The following FLNB variants were observed in gnomAD, a reference collection of about 807,000 sequenced individuals.
FLNB encodes the protein filamin-B.
In FLNB, 111 loss-of-function variants were observed where a neutral mutation model predicts 250.6. The observed-to-expected ratio is 0.44, with a 90% confidence interval of 0.38 to 0.52. The LOEUF (loss-of-function observed/expected upper bound fraction) is 0.52. Among genes scored for constraint, FLNB ranks in the 20% least tolerant of loss-of-function variants. FLNB has a pLI of 0.00. For missense variants in FLNB, 2,869 were observed against 3,447.8 expected (o/e 0.83, Z 4.20); for synonymous variants, 1,302 against 1,372.1 (o/e 0.95, Z 1.13).
At chr3:58,053,469 T>G (rs887512071) in intron 1 of FLNB, among the ~76,000 whole-genome samples, 1 of 152,230 alleles carries the variant, frequency 6.6e-6, no homozygotes, top group Admixed American at 6.5e-5. Context: ...AACATTTATT[T>G]ATTTATTTAT....
chr3:58,051,077 C>A (rs2097161575), intron 1 of FLNB, among the ~76,000 whole-genome samples: 2 of 152,104 alleles, frequency 1.3e-5, no homozygotes, highest in Admixed American at 6.5e-5. Context: ...TCACTTGGGA[C>A]CCCCTGAGTC....
intron 1 of FLNB, among the ~76,000 whole-genome samples, chr3:58,027,877 G>A (rs1431399133): frequency 6.6e-6 from 1 of 152,180 alleles, no homozygotes; most frequent in African/African-American, 2.4e-5. Flanking sequence ...TAAATGGAAG[G>A]TAACCATAAA....
intron 10 of FLNB, among the ~76,000 whole-genome samples, chr3:58,104,644 C>T (rs755039348): frequency 2.0e-5 from 3 of 152,134 alleles, no homozygotes; most frequent in Non-Finnish European, 2.9e-5. Context: ...ATACCTACCA[C>T]GCTTTTTTTT....
chr3:58,137,584 A>T (rs538690348), intron 28 of FLNB, among the ~76,000 whole-genome samples: 2 of 152,232 alleles, frequency 1.3e-5, no homozygotes, highest in South Asian at 4.1e-4. Flanking sequence ...GCTCATATCT[A>T]CCAATGTGCT....
rs374751696 is a variant in FLNB at position 58,142,771 on chromosome 3, G to A, written c.5284+19G>A. ...ATCACTGGTAAGCACTTGCCATAAA[G>A]GCCGTCTCATTCTCACTTGCTCTCA... On this transcript the variant is annotated intron_variant, in intron 31 of 45. Transcript: ENST00000295956. The surrounding 1 kb of genome is among the most constrained non-coding windows in gnomAD (Gnocchi z 4.3). 6.2e-7 allele frequency: 1 copy of A among 1,601,876 alleles called. No homozygotes were observed. Among genetic ancestry groups the A allele is most frequent in the African/African-American group, 1.3e-5 (1 of 74,678 alleles).
In FLNB at chr3:58,114,470, C is replaced by T. The variant is rs60729810; in HGVS notation, c.2745+2152C>T. ...TGTTGAAGAACATTTGGGTTGCTTCCGTCTTTTGTCTGTTGTGAATAATGC... is the reference window on the plus strand; with the variant it reads ...TGTTGAAGAACATTTGGGTTGCTTCTGTCTTTTGTCTGTTGTGAATAATGC... On this transcript the variant is annotated intron_variant, in intron 18 of 45. Transcript: ENST00000295956. 2.6e-3 allele frequency among the ~76,000 whole-genome samples: 397 copies of T among 152,310 alleles called. 13 individuals are homozygous for T. The East Asian group carries it at 0.053, about 20-fold the overall frequency.
chr3:58,099,214 G>A (rs955044777), intron 8 of FLNB, among the ~76,000 whole-genome samples: 4 of 152,146 alleles, frequency 2.6e-5, no homozygotes, highest in African/African-American at 9.7e-5. Flanking sequence ...GGGAGGACTC[G>A]GTAGCATAAC....
At chr3:58,093,784 G>A (rs187723706) in intron 4 of FLNB, among the ~76,000 whole-genome samples, 5 of 152,080 alleles carry the variant, frequency 3.3e-5, no homozygotes, top group Non-Finnish European at 5.9e-5. Context: ...TAGCTACTCA[G>A]CAATAAAAAG....
chr3:58,081,905 C>T, intron 4 of FLNB, 129 bp downstream of exon 4: 1 of 975,744 alleles, frequency 1.0e-6, no homozygotes, highest in Non-Finnish European at 1.6e-6. Context: ...GACCCCAAGC[C>T]TCCTTTGTAA....
intron 1 of FLNB, among the ~76,000 whole-genome samples, chr3:58,042,294 A>G (rs915059854): frequency 6.8e-6 from 1 of 147,352 alleles, no homozygotes; most frequent in Non-Finnish European, 1.5e-5. Flanking sequence ...AGAGGATCTT[A>G]CTGGTTTTTG....
At position 58,076,698 on chromosome 3, in the gene FLNB, A is replaced by G. The variant is rs79654420; in HGVS notation, c.293-348A>G. 7.5e-3 allele frequency among the ~76,000 whole-genome samples: 1,139 copies of G among 151,684 alleles called. 7 individuals are homozygous for G. The highest frequency in any genetic ancestry group is 0.014 in the Middle Eastern group (4 of 294). On this transcript the variant is annotated intron_variant, in intron 1 of 45. Transcript: ENST00000295956. ...GGTCTTGAACTCCTAAGCTCAAAGC[A>G]ATCCTCCTGCCTCGGCCTCCCAAAA... is the stretch of plus-strand genomic sequence containing the variant.
Position 58,163,207 on chromosome 3 carries a change from G to A in FLNB, c.7075G>A (p.Val2359Ile). ...PHENGVHTID[V>I]KFNGSHVVGS... Reference sequence around the variant, plus strand: ...TGAGAATGGTGTCCACACCATCGATGTCAAGTTCAATGGGAGCCACGTGGT... The same window carrying A: ...TGAGAATGGTGTCCACACCATCGATATCAAGTTCAATGGGAGCCACGTGGT... Residue 2359 changes from valine to isoleucine, a missense_variant, in exon 43 of 46, where the codon GTC becomes ATC. Coordinates refer to ENST00000295956, the MANE Select transcript of FLNB (RefSeq NM_001457.4). 2 of 1,614,208 alleles carry A rather than the reference G, an allele frequency of 1.2e-6. No individual in the cohort carries two copies. Among genetic ancestry groups the A allele is most frequent in the Non-Finnish European group, 1.7e-6 (2 of 1,180,022 alleles).
At chr3:58,086,691 C>G (rs992636913) in intron 4 of FLNB, among the ~76,000 whole-genome samples, 1 of 152,158 alleles carries the variant, frequency 6.6e-6, no homozygotes, top group Non-Finnish European at 1.5e-5. Context: ...GACCTAGTGT[C>G]TTTAACAGAT....
chr3:58,032,407 G>T (rs906915267), intron 1 of FLNB, among the ~76,000 whole-genome samples: 1 of 152,134 alleles, frequency 6.6e-6, no homozygotes, highest in African/African-American at 2.4e-5. Context: ...AGAATGTAAG[G>T]CTTCCTCTGT....
chr3:58,153,230 C>G lies in FLNB; in HGVS notation c.6368-145C>G, dbSNP rs1045652040. On this transcript the variant is annotated intron_variant, in intron 38 of 45. Coordinates refer to ENST00000295956, the MANE Select transcript of FLNB (RefSeq NM_001457.4). ...TGCTGGCCACAGAAGGGCAGGCACC[C>G]AGCCTGAAGGGAAGGAAGCCTGGGC... is the stretch of plus-strand genomic sequence containing the variant. 3 of 950,828 alleles carry G rather than the reference C, an allele frequency of 3.2e-6. No individual in the cohort carries two copies. In the South Asian group the frequency reaches 4.3e-5, roughly 14 times the overall value. 58.9% of individuals were successfully genotyped at this position (950,828 alleles called of 1,614,324 possible).
chr3:58,140,890 C>A (rs2097325845), intron 29 of FLNB, among the ~76,000 whole-genome samples: 1 of 152,204 alleles, frequency 6.6e-6, no homozygotes, highest in Admixed American at 6.5e-5. Context: ...CCGGCATGAG[C>A]CACTGCGCCC....
Position 58,138,541 on chromosome 3 carries a change from TC to T in FLNB, c.5109+14del. On this transcript the variant is annotated intron_variant, in intron 29 of 45. Coordinates refer to ENST00000295956, the MANE Select transcript of FLNB (RefSeq NM_001457.4). ...CCTTCACTGTCATGGTAAGGAAAAT[TC>T]CTTCTCCCGAGCATGCTGTTATTGG... The T allele has an allele frequency of 6.2e-7, 1 of 1,614,102 alleles. No individual in the cohort carries two copies. The highest frequency in any genetic ancestry group is 8.5e-7 in the Non-Finnish European group (1 of 1,180,022).
Position 58,008,748 on chromosome 3 carries a change from A to C in FLNB, c.184A>C (p.Met62Leu). ...GCTCGAGGTGCTCAGCCAGAAGCGC[A>C]TGTACCGCAAGTACCATCAGCGGCC... is the stretch of plus-strand genomic sequence containing the variant. ...ALLEVLSQKR[M>L]YRKYHQRPTF... The change falls in exon 1 of 46, where the codon ATG becomes CTG. Residue 62 changes from methionine to leucine, a missense_variant. Physicochemically the swap from Met to Leu is conservative, Grantham distance 15 (BLOSUM62 2). This residue lies in a region of FLNB where 308 missense variants were observed against 466.1 expected (regional missense o/e 0.66). Transcript: ENST00000295956. 6.2e-7 allele frequency: 1 copy of C among 1,614,118 alleles called. No homozygotes were observed. The highest frequency in any genetic ancestry group is 8.5e-7 in the Non-Finnish European group (1 of 1,180,002).
rs575946715 is a variant in FLNB, at chr3:58,153,312, C to T, written c.6368-63C>T. The T allele has an allele frequency of 5.1e-5, 82 of 1,595,436 alleles. No homozygotes were observed. In the African/African-American group the frequency reaches 9.2e-4, roughly 18 times the overall value. ...CTCTCGGCTGCTTGCCCTGCATGTC[C>T]TGCCCTGTCTCAGGCCCTTGCCCTA... On this transcript the variant is annotated intron_variant, in intron 38 of 45. Transcript: ENST00000295956.
Sources: gnomAD v4.1 joint callset for allele counts (sites outside exome capture counted in the v4.1 genomes callset) on GRCh38, gnomAD v4.1.1 for gene constraint, gnomAD v4.1.1 regional missense constraint, Gnocchi (gnomAD v3.1) non-coding constraint, MANE v1.5 for transcripts, NCBI Gene and HGNC (gene_info 2026-07-23, HGNC 2026-07-21) for gene names.